Variants in CNTN4 observed in about 807,000 individuals in gnomAD.
CNTN4 encodes contactin 4.
In CNTN4, 77 loss-of-function variants were observed where a neutral mutation model predicts 122.5. The observed-to-expected ratio is 0.63, with a 90% confidence interval of 0.52 to 0.76. CNTN4 has a LOEUF of 0.76. Ranked by LOEUF, CNTN4 falls within the 30% of genes least tolerant of loss-of-function variation. The pLI, the probability that CNTN4 is intolerant of heterozygous loss-of-function variation, is 0.00. For missense variants in CNTN4, 1,256 were observed against 1,259.1 expected, an observed-to-expected ratio of 1.00 and a Z score of 0.04; for synonymous variants, 512 against 447.0, an observed-to-expected ratio of 1.15 and a Z score of -1.83.
intron 3 of CNTN4, among the ~76,000 whole-genome samples, chr3:2,561,961 G>A (rs1043676461): frequency 6.6e-6 from 1 of 152,154 alleles, no homozygotes; most frequent in Non-Finnish European, 1.5e-5. Context: ...TGGGACAGAG[G>A]AGTGGAGGTG....
intron 4 of CNTN4, among the ~76,000 whole-genome samples, chr3:2,711,413 A>G (rs1185040058): frequency 6.6e-6 from 1 of 152,196 alleles, no homozygotes; most frequent in Non-Finnish European, 1.5e-5. Context: ...AAACTCATTT[A>G]AAATATATGA....
intron 9 of CNTN4, among the ~76,000 whole-genome samples, chr3:2,883,608 A>C (rs1425927538): frequency 1.3e-5 from 2 of 152,230 alleles, no homozygotes; most frequent in South Asian, 2.1e-4. Context: ...ATGTGGAAAA[A>C]TACGGACTTT....
chr3:2,290,975 A>G (rs2042111721), intron 2 of CNTN4, among the ~76,000 whole-genome samples: 1 of 152,192 alleles, frequency 6.6e-6, no homozygotes, highest in Non-Finnish European at 1.5e-5. Context: ...TTAAATCACC[A>G]TCTCATATTC....
At position 2,322,129 on chromosome 3, in the gene CNTN4, TTACTC is replaced by T. The variant is rs1674176462; in HGVS notation, c.-144-17046_-144-17042del. On this transcript the variant is annotated intron_variant, in intron 2 of 24. Coordinates refer to ENST00000418658, the MANE Select transcript of CNTN4 (RefSeq NM_175607.3). ...TCTGTATGATAAAGTATACATTAGATTACTCTATCTATTTTGTAACACTTTATAGC... is the reference window on the plus strand; with the variant it reads ...TCTGTATGATAAAGTATACATTAGATTATCTATTTTGTAACACTTTATAGC... 2.6e-5 allele frequency among the ~76,000 whole-genome samples: 4 copies of T among 152,320 alleles called. No individual in the cohort carries two copies. In the South Asian group the frequency reaches 8.3e-4, roughly 32 times the overall value.
chr3:2,950,900 T>C (rs569759529), intron 13 of CNTN4, among the ~76,000 whole-genome samples: 2 of 152,350 alleles, frequency 1.3e-5, no homozygotes, highest in East Asian at 1.9e-4. Context: ...GAGTTGCCTA[T>C]CTTGATCATT....
At chr3:2,708,240 A>T (rs1022075556) in intron 4 of CNTN4, among the ~76,000 whole-genome samples, 1 of 152,180 alleles carries the variant, frequency 6.6e-6, no homozygotes, top group African/African-American at 2.4e-5. Flanking sequence ...GAGCTTTACT[A>T]CTTACCTTGA....
At chr3:2,499,090 G>A (rs2076528247) in intron 3 of CNTN4, among the ~76,000 whole-genome samples, 1 of 152,180 alleles carries the variant, frequency 6.6e-6, no homozygotes, top group African/African-American at 2.4e-5. Context: ...CACCTGGCTT[G>A]ATGGTGCTTT....
chr3:2,708,424 C>T (rs1052499850), intron 4 of CNTN4, among the ~76,000 whole-genome samples: 7 of 152,122 alleles, frequency 4.6e-5, no homozygotes, highest in African/African-American at 1.7e-4. Context: ...TAAAGGATTA[C>T]CGTAAGAGAC....
intron 3 of CNTN4, among the ~76,000 whole-genome samples, chr3:2,510,637 C>T (rs2076859705): frequency 6.6e-6 from 1 of 152,124 alleles, no homozygotes; most frequent in Non-Finnish European, 1.5e-5. Flanking sequence ...GTCAAATTTA[C>T]ATAAACAAAT....
chr3:2,323,806 A>G (rs1406348736), intron 2 of CNTN4, among the ~76,000 whole-genome samples: 1 of 152,188 alleles, frequency 6.6e-6, no homozygotes, highest in Non-Finnish European at 1.5e-5. Flanking sequence ...TAAACAATAC[A>G]ATACTAATAC....
chr3:2,926,349 A>G (rs1438579187), intron 13 of CNTN4, among the ~76,000 whole-genome samples: 4 of 152,190 alleles, frequency 2.6e-5, no homozygotes, highest in African/African-American at 2.4e-5. Flanking sequence ...CTTCATCTGT[A>G]TATTTCTTAT....
chr3:2,356,441 C>T (rs978954468), intron 3 of CNTN4, among the ~76,000 whole-genome samples: 1 of 152,110 alleles, frequency 6.6e-6, no homozygotes, highest in Non-Finnish European at 1.5e-5. Context: ...GATGCCATGG[C>T]ATCTGTAAAC....
chr3:2,768,247 C>T (rs1235296371), intron 6 of CNTN4, among the ~76,000 whole-genome samples: 6 of 152,166 alleles, frequency 3.9e-5, no homozygotes, highest in Non-Finnish European at 2.9e-5. Flanking sequence ...TCACAAGCAT[C>T]TTCCTCTTAA....
At chr3:2,159,300 A>G (rs983113113) in intron 2 of CNTN4, among the ~76,000 whole-genome samples, 2 of 152,210 alleles carry the variant, frequency 1.3e-5, no homozygotes, top group African/African-American at 4.8e-5. Flanking sequence ...GAAGCTTACA[A>G]TATCTGTGCC....
At chr3:2,821,067 T>C (rs1168157363) in intron 7 of CNTN4, among the ~76,000 whole-genome samples, 2 of 150,128 alleles carry the variant, frequency 1.3e-5, no homozygotes, top group African/African-American at 2.5e-5. Context: ...GTTCAATCGA[T>C]TCTCATGCCT....
intron 3 of CNTN4, among the ~76,000 whole-genome samples, chr3:2,356,826 G>A (rs183097538): frequency 3.3e-5 from 5 of 152,300 alleles, no homozygotes; most frequent in South Asian, 4.1e-4. Flanking sequence ...CTTAAAAAAG[G>A]AGGGATAAGG....
At chr3:2,464,839 A>C (rs1169168212) in intron 3 of CNTN4, among the ~76,000 whole-genome samples, 1 of 152,184 alleles carries the variant, frequency 6.6e-6, no homozygotes, top group Non-Finnish European at 1.5e-5. Context: ...AACCACATTT[A>C]TTGAATCTCC....
chr3:2,830,989 A>G lies in CNTN4; in HGVS notation c.454+11408A>G, dbSNP rs78445561. Among the ~76,000 whole-genome samples the G allele has an allele frequency of 4.6e-3, 698 of 152,332 alleles. 5 individuals carry two copies. Among genetic ancestry groups the G allele is most frequent in the African/African-American group, 0.016 (666 of 41,576 alleles). On this transcript the variant is annotated intron_variant, in intron 7 of 24. Transcript: ENST00000418658. ...TCAGAAATGGATATTTACCACTCTC[A>G]GGGATTTTGAACCTAGGAGTCTTAG...
At chr3:2,120,393 ATATATATATATATTTTTT>A (rs1559260937) in intron 2 of CNTN4, among the ~76,000 whole-genome samples, 9 of 29,524 alleles carry the variant, frequency 3.0e-4, no homozygotes, top group African/African-American at 8.3e-4. Context: ...ATATATATAT[ATATATATATATATTTTTT>A]TTTTTTTTTT....
Sources: gnomAD v4.1 joint callset for allele counts (sites outside exome capture counted in the v4.1 genomes callset) on GRCh38, gnomAD v4.1.1 for gene constraint, MANE v1.5 for transcripts, NCBI Gene and HGNC (gene_info 2026-07-23, HGNC 2026-07-21) for gene names.